Variants in C8orf34 observed in about 807,000 individuals in gnomAD.
C8orf34 encodes the protein uncharacterized protein C8orf34.
In C8orf34, 65 loss-of-function variants were observed where a neutral mutation model predicts 68.3. The observed-to-expected ratio is 0.95, with a 90% CI of 0.78 to 1.17. C8orf34 has a LOEUF of 1.17. C8orf34 is among the 50% of genes most tolerant of loss of function. The pLI is 0.00. For synonymous variants in C8orf34, 244 were observed against 241.2 expected (o/e 1.01, Z -0.11); for missense variants, 664 against 655.4 (o/e 1.01, Z -0.14).
intron 5 of C8orf34, among the ~76,000 whole-genome samples, chr8:68,506,461 G>T (rs779255147): frequency 3.9e-5 from 6 of 152,192 alleles, no homozygotes; most frequent in Non-Finnish European, 8.8e-5. Context: ...AGCCTCCTGA[G>T]TAGCTGGGAC....
intron 3 of C8orf34, among the ~76,000 whole-genome samples, chr8:68,454,612 G>C (rs142574840): frequency 6.6e-6 from 1 of 151,804 alleles, no homozygotes; most frequent in Non-Finnish European, 1.5e-5. Flanking sequence ...TCTCACTTTT[G>C]TTTCTAATTT....
intron 8 of C8orf34, among the ~76,000 whole-genome samples, chr8:68,692,466 C>A (rs1223157908): frequency 1.3e-5 from 2 of 151,926 alleles, no homozygotes; most frequent in Non-Finnish European, 2.9e-5. Context: ...GGGAGACACC[C>A]AGGGAATGAG....
intron 8 of C8orf34, among the ~76,000 whole-genome samples, chr8:68,649,490 G>T (rs1230737806): frequency 6.6e-6 from 1 of 152,120 alleles, no homozygotes; most frequent in Non-Finnish European, 1.5e-5. Flanking sequence ...ATTTCATGAG[G>T]GCTGTTGCTG....
At chr8:68,645,313 G>C (rs989397112) in intron 8 of C8orf34, among the ~76,000 whole-genome samples, 3 of 152,074 alleles carry the variant, frequency 2.0e-5, no homozygotes, top group African/African-American at 7.2e-5. Context: ...TCTTTTTCTC[G>C]CATGCTGGAA....
At chr8:68,427,979 TTA>T (rs1810300999) in intron 1 of C8orf34, among the ~76,000 whole-genome samples, 1 of 148,620 alleles carries the variant, frequency 6.7e-6, no homozygotes, top group African/African-American at 2.4e-5. Context: ...ATTCATATAA[TTA>T]TGTTCTATTA....
chr8:68,560,069 A>G (rs550602014), intron 7 of C8orf34, among the ~76,000 whole-genome samples: 2 of 152,094 alleles, frequency 1.3e-5, no homozygotes, highest in Non-Finnish European at 2.9e-5. Flanking sequence ...GGGACTTTGC[A>G]TTCCATATTA....
At chr8:68,770,670 A>G (rs919024950) in intron 10 of C8orf34, among the ~76,000 whole-genome samples, 9 of 152,226 alleles carry the variant, frequency 5.9e-5, no homozygotes, top group Non-Finnish European at 1.2e-4. Flanking sequence ...TGAAGGAAAG[A>G]GAAAAATAAA....
chr8:68,679,138 T>C (rs1361071832), intron 8 of C8orf34, among the ~76,000 whole-genome samples: 2 of 151,748 alleles, frequency 1.3e-5, no homozygotes, highest in Non-Finnish European at 2.9e-5. Flanking sequence ...ATACAAAAAA[T>C]TAGCCAGGCA....
At chr8:68,789,291 G>A (rs902528847) in intron 12 of C8orf34, among the ~76,000 whole-genome samples, 2 of 152,204 alleles carry the variant, frequency 1.3e-5, no homozygotes, top group African/African-American at 4.8e-5. Context: ...GGCAAAACTG[G>A]TAAACAACAT....
chr8:68,528,121 C>T (rs1339232507), intron 6 of C8orf34, among the ~76,000 whole-genome samples: 1 of 152,188 alleles, frequency 6.6e-6, no homozygotes, highest in Non-Finnish European at 1.5e-5. Flanking sequence ...TAACTCTCCC[C>T]AGTAGCTTTG....
chr8:68,677,738 G>A (rs1265223441), intron 8 of C8orf34, among the ~76,000 whole-genome samples: 1 of 152,030 alleles, frequency 6.6e-6, no homozygotes, highest in Non-Finnish European at 1.5e-5. Flanking sequence ...ATAATGATCA[G>A]AGTACAAATA....
chr8:68,711,322 C>A (rs1563623890), intron 9 of C8orf34, among the ~76,000 whole-genome samples: 1 of 152,096 alleles, frequency 6.6e-6, no homozygotes, highest in Non-Finnish European at 1.5e-5. Flanking sequence ...AAGAGGAAAT[C>A]TGAATTGCCA....
chr8:68,562,780 G>C (rs1464461308), intron 7 of C8orf34, among the ~76,000 whole-genome samples: 1 of 152,136 alleles, frequency 6.6e-6, no homozygotes, highest in Non-Finnish European at 1.5e-5. Context: ...TCATCAGATT[G>C]GGCGATCCTT....
intron 3 of C8orf34, among the ~76,000 whole-genome samples, chr8:68,454,249 T>A (rs1031559616): frequency 3.9e-5 from 6 of 152,076 alleles, no homozygotes; most frequent in African/African-American, 1.4e-4. Context: ...TGTCTTTATC[T>A]GTGGTACTGG....
At chr8:68,795,878 C>T (rs1006927288) in intron 12 of C8orf34, among the ~76,000 whole-genome samples, 1 of 152,164 alleles carries the variant, frequency 6.6e-6, no homozygotes, top group African/African-American at 2.4e-5. Context: ...TGATGTAACC[C>T]TACTGTCCCT....
At chr8:68,684,427 T>C (rs1820453924) in intron 8 of C8orf34, among the ~76,000 whole-genome samples, 1 of 152,136 alleles carries the variant, frequency 6.6e-6, no homozygotes, top group Admixed American at 6.6e-5. Flanking sequence ...CACAACAAAT[T>C]CTAGTTGTAA....
Position 68,475,953 on chromosome 8 carries a change from G to C in C8orf34, c.736+7133G>C, listed in dbSNP as rs537108377. Among the ~76,000 whole-genome samples the C allele has an allele frequency of 2.6e-5, 4 of 152,278 alleles. No individual in the cohort carries two copies. In the East Asian group the frequency reaches 7.7e-4, roughly 29 times the overall value. On this transcript the variant is annotated intron_variant, in intron 4 of 13. Transcript: ENST00000518698. Reference sequence around the variant, plus strand: ...AGAGCCCAGCTGCTGGGGGAACAGAGGACAGATATTTATGCTCTGTGACTG... The same window carrying C: ...AGAGCCCAGCTGCTGGGGGAACAGACGACAGATATTTATGCTCTGTGACTG...
intron 7 of C8orf34, among the ~76,000 whole-genome samples, chr8:68,632,592 A>T (rs895981165): frequency 6.6e-6 from 1 of 152,124 alleles, no homozygotes; most frequent in Admixed American, 6.6e-5. Context: ...CCTCCAGGGC[A>T]TGTCAGAGAT....
At chr8:68,456,916 A>G (rs933969399) in intron 3 of C8orf34, among the ~76,000 whole-genome samples, 1 of 152,224 alleles carries the variant, frequency 6.6e-6, no homozygotes, top group African/African-American at 2.4e-5. Flanking sequence ...TACCTATTGT[A>G]TGGAATGGTT....
Sources: allele counts gnomAD v4.1 joint callset (sites outside exome capture counted in the v4.1 genomes callset), GRCh38; gene constraint gnomAD v4.1.1; transcripts MANE v1.5; gene names NCBI Gene and HGNC (gene_info 2026-07-23, HGNC 2026-07-21).